HELLS: variants seen among roughly 807,000 people sequenced by gnomAD.
The protein encoded by HELLS is lymphoid-specific helicase.
Under a neutral mutation model 120.0 loss-of-function variants are expected in HELLS, and 32 were observed. The ratio of observed to expected loss-of-function variants is 0.27; its 90% CI spans 0.20 to 0.36. The LOEUF is 0.36. HELLS is among the 10% of genes least tolerant of loss of function. The pLI, the probability that HELLS is intolerant of heterozygous loss-of-function variation, is 1.00. For synonymous variants in HELLS, 341 were observed against 323.4 expected (o/e 1.05, Z -0.58); for missense variants, 650 against 993.4 (o/e 0.65, Z 4.65).
chr10:94,554,130 G>A lies in HELLS; in HGVS notation c.158G>A (p.Arg53His), dbSNP rs780221772. ...ERERKMLEKARMSWDRESTEI... is the reference protein window; with the variant it reads ...ERERKMLEKAHMSWDRESTEI... ...GGAAATTTTCTCTTTGGATAGGCTCGCATGTCTTGGGATAGAGAGTCGACA... is the reference window on the plus strand; with the variant it reads ...GGAAATTTTCTCTTTGGATAGGCTCACATGTCTTGGGATAGAGAGTCGACA... Residue 53 changes from arginine to histidine, a missense_variant, in exon 3 of 22, where the codon CGC becomes CAC. Physicochemically the swap from Arg to His is conservative, Grantham distance 29 (BLOSUM62 0). Coordinates refer to ENST00000348459, the MANE Select transcript of HELLS (RefSeq NM_018063.5). 5.8e-6 allele frequency: 9 copies of A among 1,546,298 alleles called. No homozygotes were observed. The highest frequency in any genetic ancestry group is 1.7e-4 in the Middle Eastern group (1 of 5,822).
intron 12 of HELLS, among the ~76,000 whole-genome samples, chr10:94,585,422 A>G (rs1217627360): frequency 3.3e-5 from 4 of 121,096 alleles, no homozygotes; most frequent in African/African-American, 6.5e-5. Flanking sequence ...TTTTTTTGAG[A>G]CAGAGTCTCA....
At chr10:94,594,533 G>C (rs902256432) in intron 18 of HELLS, among the ~76,000 whole-genome samples, 162 bp from the exon 19 acceptor site, 14 of 152,104 alleles carry the variant, frequency 9.2e-5, no homozygotes, top group Admixed American at 8.5e-4. Context: ...TCAAGGATCT[G>C]TGGAATGATA....
chr10:94,562,070 C>T (rs961588244), intron 4 of HELLS, among the ~76,000 whole-genome samples: 17 of 151,560 alleles, frequency 1.1e-4, no homozygotes, highest in African/African-American at 2.4e-4. Flanking sequence ...CTTGAGCCAC[C>T]GCGCCCGGCC....
At chr10:94,563,258 G>T (rs1264031876) in intron 6 of HELLS, among the ~76,000 whole-genome samples, 10 of 151,952 alleles carry the variant, frequency 6.6e-5, no homozygotes, top group Admixed American at 3.9e-4. Context: ...ACCACGCCTG[G>T]CCAATTTTTG....
exon 10 of HELLS, chr10:94,610,190 T>C (rs558399635): frequency 1.3e-5 from 2 of 152,336 alleles, no homozygotes; most frequent in South Asian, 4.1e-4. Flanking sequence ...TTGAGCATCT[T>C]GTTTGTTTTG....
chr10:94,597,299 C>A (rs573161032), intron 21 of HELLS, among the ~76,000 whole-genome samples, 188 bp downstream of exon 21: 1 of 152,210 alleles, frequency 6.6e-6, no homozygotes, highest in East Asian at 1.9e-4. Context: ...TTATCTTTAA[C>A]TTCTTCCATA....
chr10:94,572,532 C>G (rs1253219009), intron 7 of HELLS, among the ~76,000 whole-genome samples: 3 of 152,108 alleles, frequency 2.0e-5, no homozygotes, highest in African/African-American at 7.2e-5. Flanking sequence ...TTCTTATTGA[C>G]TAGTATTCTG....
At position 94,552,932 on chromosome 10, in the gene HELLS, T is replaced by C. The variant is rs537863672; in HGVS notation, c.154-1194T>C. ...ATTTGGAGGCTGCAGTAAGCCACAA[T>C]TGCACCAATTACAGCATGAGACCAT... On this transcript the variant is annotated intron_variant, in intron 2 of 21. Transcript: ENST00000348459. Among the ~76,000 whole-genome samples the C allele has an allele frequency of 5.3e-5, 8 of 152,276 alleles. No homozygotes were observed. The South Asian group carries it at 1.7e-3, about 32-fold the overall frequency.
chr10:94,590,098 G>C (rs1429217859), intron 13 of HELLS, among the ~76,000 whole-genome samples: 2 of 152,130 alleles, frequency 1.3e-5, no homozygotes, highest in Non-Finnish European at 2.9e-5. Context: ...TTCATGCAGT[G>C]TTACACCAGT....
At chr10:94,561,600 A>C (rs1564583459) in intron 4 of HELLS, among the ~76,000 whole-genome samples, 1 of 152,024 alleles carries the variant, frequency 6.6e-6, no homozygotes, top group East Asian at 1.9e-4. Flanking sequence ...TGAGTAGCTG[A>C]GACTACAGGT....
intron 3 of HELLS, chr10:94,557,051 G>T: frequency 5.0e-6 from 1 of 201,282 alleles, no homozygotes. Flanking sequence ...TTCTAGATGA[G>T]ACCTGCCCTC....
chr10:94,562,927 A>G, intron 6 of HELLS, 51 bp downstream of exon 6: 1 of 1,107,140 alleles, frequency 9.0e-7, no homozygotes, highest in Non-Finnish European at 1.3e-6. Flanking sequence ...AGTAAAATGT[A>G]GGTTTTAAAC....
intron 7 of HELLS, 48 bp from the exon 8 acceptor site, chr10:94,573,912 C>T: frequency 2.9e-6 from 3 of 1,038,010 alleles, no homozygotes; most frequent in Non-Finnish European, 4.4e-6. Flanking sequence ...TGGTGGCATA[C>T]AGCAGCATTT....
chr10:94,568,208 C>CTTT (rs777198935), intron 6 of HELLS, among the ~76,000 whole-genome samples: 2 of 139,154 alleles, frequency 1.4e-5, no homozygotes, highest in African/African-American at 2.6e-5. Context: ...GCGCCTGGCC[C>CTTT]TTTTTTTTTT....
chr10:94,584,360 G>GC (rs552975271), intron 12 of HELLS, among the ~76,000 whole-genome samples: 122 of 152,130 alleles, frequency 8.0e-4, no homozygotes, highest in Non-Finnish European at 1.4e-3. Flanking sequence ...GTGTTCATGT[G>GC]CACAAGCGTG....
intron 1 of HELLS, 148 bp downstream of exon 1, chr10:94,546,100 T>A: frequency 1.1e-6 from 1 of 945,910 alleles, no homozygotes; most frequent in Non-Finnish European, 1.6e-6. Context: ...CAACGGTGAG[T>A]GGAGGACACC....
chr10:94,545,954 T>C lies in HELLS; in HGVS notation c.31+2T>C. On this transcript the variant is annotated splice_donor_variant, in intron 1 of 21. Transcript: ENST00000348459. LOFTEE classifies it high-confidence loss of function. ...CGGAACGGCCCGCGGGCAGCGGCGG[T>C]GAGTGAGGAAAACCTTTTGGGCGCG... The C allele has an allele frequency of 6.4e-7, 1 of 1,554,150 alleles. No homozygotes were observed.
At chr10:94,602,247 G>C (rs1382726826), downstream of HELLS, 1 of 152,152 alleles carries the variant, frequency 6.6e-6, no homozygotes, top group Non-Finnish European at 1.5e-5. Flanking sequence ...TGGACATTGT[G>C]TTAGCACAAG....
rs540449685 is a variant in HELLS, at chr10:94,546,041, G to A, written c.31+89G>A. The A allele has an allele frequency of 7.6e-6, 11 of 1,440,754 alleles. No individual in the cohort carries two copies. In the East Asian group the frequency reaches 2.7e-4, roughly 36 times the overall value. The allele number at this position is 1,440,754 out of a possible 1,614,324, so 89.2% of individuals were successfully genotyped here. On this transcript the variant is annotated intron_variant, in intron 1 of 21. Coordinates refer to ENST00000348459, the MANE Select transcript of HELLS (RefSeq NM_018063.5). ...AGGCTGCGGCGGAGTTTCGGGGAGG[G>A]AGCCGACCCCGGGCAGGGACTGAGG...
Sources: allele counts gnomAD v4.1 joint callset (sites outside exome capture counted in the v4.1 genomes callset), GRCh38; gene constraint gnomAD v4.1.1; transcripts MANE v1.5; gene names NCBI Gene and HGNC (gene_info 2026-07-23, HGNC 2026-07-21).